PRKAA1: variants seen among roughly 807,000 people sequenced by gnomAD.
PRKAA1 encodes the protein 5'-AMP-activated protein kinase catalytic subunit alpha-1.
In PRKAA1, 23 loss-of-function variants were observed where a neutral mutation model predicts 56.9. That is an observed-to-expected ratio of 0.40 (90% confidence interval 0.29 to 0.57). The LOEUF is 0.57. Ranked by LOEUF, PRKAA1 falls within the 20% of genes least tolerant of loss-of-function variation. PRKAA1 has a pLI of 0.39. For missense variants in PRKAA1, 413 were observed against 679.7 expected (o/e 0.61, Z 4.36); for synonymous variants, 226 against 227.0 (o/e 1.00, Z 0.04).
At chr5:40,783,299 A>G (rs1041807326) in intron 1 of PRKAA1, among the ~76,000 whole-genome samples, 5 of 152,314 alleles carry the variant, frequency 3.3e-5, no homozygotes, top group Admixed American at 3.3e-4. Context: ...TAGGAAAACT[A>G]TAGAAAATGT....
chr5:40,768,787 G>T (rs1743589406), intron 5 of PRKAA1: 3 of 1,386,394 alleles, frequency 2.2e-6, no homozygotes, highest in Middle Eastern at 5.2e-4. Context: ...AATTTCAGTA[G>T]TATAGTGAAG....
intron 3 of PRKAA1, chr5:40,774,926 A>T (rs748352014): frequency 2.5e-6 from 4 of 1,592,036 alleles, no homozygotes; most frequent in African/African-American, 1.3e-5. Flanking sequence ...TCTAATTCCT[A>T]CCTCCTTCGT....
intron 1 of PRKAA1, among the ~76,000 whole-genome samples, chr5:40,778,330 A>T (rs1272632354): frequency 6.6e-6 from 1 of 152,190 alleles, no homozygotes; most frequent in African/African-American, 2.4e-5. Context: ...AAGCAAATAT[A>T]AGTTATTTTC....
At chr5:40,781,486 C>CA (rs1229266510) in intron 1 of PRKAA1, among the ~76,000 whole-genome samples, 1 of 152,062 alleles carries the variant, frequency 6.6e-6, no homozygotes, top group Non-Finnish European at 1.5e-5. Flanking sequence ...AGCAAAGTCA[C>CA]AGTAACATAT....
intron 5 of PRKAA1, chr5:40,768,730 T>A: frequency 7.7e-7 from 1 of 1,304,166 alleles, no homozygotes; most frequent in Non-Finnish European, 9.7e-7. Flanking sequence ...GGGTGAAAAG[T>A]TATTAAAAGT....
At position 40,762,842 on chromosome 5, in the gene PRKAA1, G is replaced by C; in HGVS notation, c.1616C>G (p.Pro539Arg). 6.2e-7 allele frequency: 1 copy of C among 1,614,110 alleles called. No individual in the cohort carries two copies. The highest frequency in any genetic ancestry group is 8.5e-7 in the Non-Finnish European group (1 of 1,179,990). ...DSSPVDLTPR[P>R]GSHTIEFFEM... ...AAAAAATTCTATTGTGTGACTTCCA[G>C]GTCTTGGAGTTAGGTCAACAGGAGA... The change falls in exon 9 of 9, where the codon CCT (proline) becomes CGT (arginine). Residue 539 changes from proline (P) to arginine (R), a missense_variant. This residue lies in a region of PRKAA1 where 139 missense variants were observed against 171.5 expected (regional missense o/e 0.81). Coordinates refer to ENST00000397128, the MANE Select transcript of PRKAA1 (RefSeq NM_006251.6).
intron 4 of PRKAA1, among the ~76,000 whole-genome samples, chr5:40,769,707 G>A (rs1002986186): frequency 6.6e-6 from 1 of 151,796 alleles, no homozygotes; most frequent in Non-Finnish European, 1.5e-5. Flanking sequence ...TAAAGTTAGT[G>A]CACTGTTAGA....
At position 40,797,928 on chromosome 5, in the gene PRKAA1, C is replaced by T. The variant is rs558429791; in HGVS notation, c.127+135G>A. On this transcript the variant is annotated intron_variant, in intron 1 of 8. Transcript: ENST00000397128. ...CCCCGCGGCGGCTGGGGAGAGCTCC[C>T]GCAGGATCCGGGACAGGGGCTGCCC... is the stretch of plus-strand genomic sequence containing the variant. The T allele has an allele frequency of 1.3e-5, 18 of 1,433,020 alleles. No homozygotes were observed. In the African/African-American group the frequency reaches 2.6e-4, roughly 21 times the overall value. The allele number at this position is 1,433,020 out of a possible 1,614,324, so 88.8% of individuals were successfully genotyped here.
chr5:40,789,147 G>C lies in PRKAA1; in HGVS notation c.127+8916C>G, dbSNP rs147475847. 9.6e-4 allele frequency among the ~76,000 whole-genome samples: 146 copies of C among 151,928 alleles called. 2 individuals are homozygous for C. The East Asian group carries it at 0.025, about 26-fold the overall frequency. Reference sequence around the variant, plus strand: ...GATCGCTTGAGCCCAGGAGGTCAAGGCTGCAGTGAGCCATGATCATGCCAC... The same window carrying C: ...GATCGCTTGAGCCCAGGAGGTCAAGCCTGCAGTGAGCCATGATCATGCCAC... On this transcript the variant is annotated intron_variant, in intron 1 of 8. Transcript: ENST00000397128.
intron 4 of PRKAA1, among the ~76,000 whole-genome samples, chr5:40,770,125 T>C (rs538274190): frequency 2.3e-3 from 356 of 152,128 alleles, no homozygotes; most frequent in Admixed American, 5.4e-3. Flanking sequence ...TAGTTATAGA[T>C]ATAGATACAT....
At chr5:40,796,410 A>AG (rs1283491917) in intron 1 of PRKAA1, among the ~76,000 whole-genome samples, 1 of 152,218 alleles carries the variant, frequency 6.6e-6, no homozygotes, top group Non-Finnish European at 1.5e-5. Context: ...ACCCTAATCC[A>AG]GGCAGAACTC....
chr5:40,774,820 G>GT (rs543614196), intron 3 of PRKAA1: 1 of 873,842 alleles, frequency 1.1e-6, no homozygotes, highest in Non-Finnish European at 1.8e-6. Flanking sequence ...ATGAGAAAAA[G>GT]TATGGGCAGA....
chr5:40,769,305 CT>C (rs1743613941), intron 5 of PRKAA1, 110 bp downstream of exon 5: 1 of 854,262 alleles, frequency 1.2e-6, no homozygotes, highest in Admixed American at 2.7e-5. Context: ...AAGAATAAGC[CT>C]TATCTTTCTT....
chr5:40,782,125 T>G (rs758215593), intron 1 of PRKAA1, among the ~76,000 whole-genome samples: 1 of 152,092 alleles, frequency 6.6e-6, no homozygotes, highest in Admixed American at 6.6e-5. Flanking sequence ...ATAATACTGG[T>G]GGACTCAAGA....
chr5:40,766,364 T>A lies in PRKAA1; in HGVS notation c.821+1102A>T, dbSNP rs1743434484. On this transcript the variant is annotated intron_variant, in intron 6 of 8. Coordinates refer to ENST00000397128, the MANE Select transcript of PRKAA1 (RefSeq NM_006251.6). ...CTCAGATAAATGTGCAGTCTAGCCA[T>A]TAGAAGACCAAAAGGACCAAAATTT... 1.3e-5 allele frequency among the ~76,000 whole-genome samples: 2 copies of A among 152,112 alleles called. 1 individual carries two copies. Among genetic ancestry groups the A allele is most frequent in the South Asian group, 4.1e-4 (2 of 4,828 alleles).
intron 1 of PRKAA1, among the ~76,000 whole-genome samples, chr5:40,779,551 C>A (rs1744175435): frequency 6.6e-6 from 1 of 152,086 alleles, no homozygotes; most frequent in Non-Finnish European, 1.5e-5. Context: ...AAAATGTATT[C>A]ATGAAGAAAT....
At chr5:40,783,124 C>A (rs992012587) in intron 1 of PRKAA1, among the ~76,000 whole-genome samples, 2 of 152,028 alleles carry the variant, frequency 1.3e-5, no homozygotes, top group Admixed American at 6.5e-5. Flanking sequence ...TGATCAGGAT[C>A]TTTTCTTTTT....
chr5:40,772,786 C>T (rs1268468550), intron 3 of PRKAA1, among the ~76,000 whole-genome samples: 1 of 152,058 alleles, frequency 6.6e-6, no homozygotes, highest in East Asian at 1.9e-4. Flanking sequence ...AGGCACATGC[C>T]ACCACGCCCA....
At chr5:40,782,396 G>T (rs1275112862) in intron 1 of PRKAA1, among the ~76,000 whole-genome samples, 2 of 152,076 alleles carry the variant, frequency 1.3e-5, no homozygotes, top group Non-Finnish European at 2.9e-5. Flanking sequence ...AATGCTGCTG[G>T]GGAAAACAGT....
Sources: allele counts gnomAD v4.1 joint callset (sites outside exome capture counted in the v4.1 genomes callset), GRCh38; gene constraint gnomAD v4.1.1; regional missense constraint gnomAD v4.1.1; transcripts MANE v1.5; gene names NCBI Gene and HGNC (gene_info 2026-07-23, HGNC 2026-07-21).